The following KCTD16 variants were observed in gnomAD, a reference collection of about 807,000 sequenced individuals.
KCTD16 encodes the protein BTB/POZ domain-containing protein KCTD16.
KCTD16 carries 13 observed loss-of-function variants against 33.2 expected under a neutral mutation model. The observed-to-expected ratio is 0.39, with a 90% CI of 0.25 to 0.62. KCTD16 has a LOEUF of 0.62. Ranked by LOEUF, KCTD16 falls within the 20% of genes least tolerant of loss-of-function variation. The pLI is 0.50. For missense variants in KCTD16, 441 were observed against 525.1 expected, an observed-to-expected ratio of 0.84 and a Z score of 1.57; for synonymous variants, 197 against 195.3, an observed-to-expected ratio of 1.01 and a Z score of -0.07.
intron 3 of KCTD16, among the ~76,000 whole-genome samples, chr5:144,239,435 C>T (rs1350212475): frequency 1.3e-5 from 2 of 152,106 alleles, no homozygotes; most frequent in Non-Finnish European, 2.9e-5. Context: ...GCCCCAGAGA[C>T]AGTTGCAAAG....
At chr5:144,438,846 T>C (rs1753636911) in intron 3 of KCTD16, among the ~76,000 whole-genome samples, 1 of 152,170 alleles carries the variant, frequency 6.6e-6, no homozygotes, top group African/African-American at 2.4e-5. Flanking sequence ...GATGTACTTA[T>C]CCTGTGTTTT....
rs555899202 is a variant in KCTD16, at chr5:144,215,133, T to C, written c.832+7587T>C. On this transcript the variant is annotated intron_variant, in intron 3 of 3. Coordinates refer to ENST00000512467, the MANE Select transcript of KCTD16 (RefSeq NM_020768.4). ...AGTGCTAAGCATTTTACATACTAGT[T>C]GGATTTCTCACTGAAAGGTGCTCTA... is the stretch of plus-strand genomic sequence containing the variant. Among the ~76,000 whole-genome samples, 23 of 152,284 alleles carry C rather than the reference T, an allele frequency of 1.5e-4. No individual in the cohort carries two copies. In the South Asian group the frequency reaches 4.6e-3, roughly 30 times the overall value.
chr5:144,381,273 A>G (rs1416736474), intron 3 of KCTD16, among the ~76,000 whole-genome samples: 1 of 152,200 alleles, frequency 6.6e-6, no homozygotes, highest in East Asian at 1.9e-4. Context: ...CAGAATGACT[A>G]TTATTAAAAA....
At chr5:144,224,383 GTTTTTTTTT>G (rs530446253) in intron 3 of KCTD16, among the ~76,000 whole-genome samples, 4 of 100,334 alleles carry the variant, frequency 4.0e-5, no homozygotes, top group Admixed American at 1.2e-4. Context: ...AATATAATGT[GTTTTTTTTT>G]TTTTTTTTTT....
intron 3 of KCTD16, among the ~76,000 whole-genome samples, chr5:144,250,437 G>C (rs1424729052): frequency 6.6e-6 from 1 of 152,124 alleles, no homozygotes; most frequent in African/African-American, 2.4e-5. Flanking sequence ...CTGTAGCCCA[G>C]AAATCACAAA....
intron 3 of KCTD16, among the ~76,000 whole-genome samples, chr5:144,226,754 G>T (rs1753943789): frequency 1.3e-5 from 2 of 151,970 alleles, no homozygotes; most frequent in Admixed American, 6.6e-5. Flanking sequence ...TGTATTTTTA[G>T]TTGAGATGGG....
chr5:144,180,446 A>G (rs543318447), intron 2 of KCTD16, among the ~76,000 whole-genome samples: 5 of 152,318 alleles, frequency 3.3e-5, no homozygotes, highest in African/African-American at 1.2e-4. Context: ...CCTTGTAAAG[A>G]AAAACAAACA....
Position 144,485,229 on chromosome 5 carries a change from T to A in KCTD16, c.*11115T>A, listed in dbSNP as rs895705764. 1 of 151,894 alleles carries A rather than the reference T, an allele frequency of 6.6e-6. No individual in the cohort carries two copies. Among genetic ancestry groups the A allele is most frequent in the Non-Finnish European group, 1.5e-5 (1 of 67,898 alleles). The allele number at this position is 151,894 out of a possible 1,614,324, so 9.4% of individuals were successfully genotyped here. ...CTAATTGTCCCAATGGAATTGCACA[T>A]CATTTTGGCAATCATTGGTTCACTC... On this transcript the variant is annotated 3_prime_UTR_variant, in exon 4 of 4. Coordinates refer to ENST00000512467, the MANE Select transcript of KCTD16 (RefSeq NM_020768.4).
chr5:144,443,919 C>T (rs73299622), intron 3 of KCTD16, among the ~76,000 whole-genome samples: 7,620 of 152,062 alleles, frequency 0.05, 654 homozygotes, highest in African/African-American at 0.17. Flanking sequence ...GGATATCCAG[C>T]CCCTCAAGCA....
chr5:144,190,975 G>A (rs558895500), intron 2 of KCTD16, among the ~76,000 whole-genome samples: 5 of 152,276 alleles, frequency 3.3e-5, no homozygotes, highest in Admixed American at 3.3e-4. Context: ...CTCTGCTGAA[G>A]GTGAGCCTCA....
chr5:144,268,861 A>T (rs1458391902), intron 3 of KCTD16, among the ~76,000 whole-genome samples: 1 of 152,198 alleles, frequency 6.6e-6, no homozygotes, highest in East Asian at 1.9e-4. Context: ...AAAACAATGT[A>T]TGAACAAAAT....
chr5:144,349,887 C>T (rs1752903408), intron 3 of KCTD16, among the ~76,000 whole-genome samples: 1 of 152,206 alleles, frequency 6.6e-6, no homozygotes, highest in Admixed American at 6.5e-5. Flanking sequence ...ATGATTAGCA[C>T]CTTGACCTTC....
At chr5:144,417,914 A>G (rs1753108021) in intron 3 of KCTD16, among the ~76,000 whole-genome samples, 1 of 151,976 alleles carries the variant, frequency 6.6e-6, no homozygotes, top group Non-Finnish European at 1.5e-5. Flanking sequence ...GAAGCTATGG[A>G]CCCTCACAGT....
intron 3 of KCTD16, among the ~76,000 whole-genome samples, chr5:144,421,044 T>G (rs1211924890): frequency 1.3e-5 from 2 of 152,224 alleles, no homozygotes; most frequent in African/African-American, 2.4e-5. Context: ...TCAGTGGTTT[T>G]AAGCTTCACT....
intron 3 of KCTD16, among the ~76,000 whole-genome samples, chr5:144,249,156 C>G (rs1754629215): frequency 6.6e-6 from 1 of 152,134 alleles, no homozygotes; most frequent in African/African-American, 2.4e-5. Flanking sequence ...CATGCTACTT[C>G]TATAAGGACC....
At chr5:144,242,490 C>A (rs115504897) in intron 3 of KCTD16, among the ~76,000 whole-genome samples, 66 of 152,174 alleles carry the variant, frequency 4.3e-4, no homozygotes, top group African/African-American at 1.5e-3. Context: ...TTATATCTCA[C>A]CAGACAATAT....
At chr5:144,426,128 C>T (rs1398657490) in intron 3 of KCTD16, among the ~76,000 whole-genome samples, 4 of 152,136 alleles carry the variant, frequency 2.6e-5, no homozygotes, top group African/African-American at 9.7e-5. Context: ...GAATGTATTG[C>T]TGCTTAGGTA....
intron 3 of KCTD16, among the ~76,000 whole-genome samples, chr5:144,275,050 G>C (rs1349181358): frequency 6.6e-6 from 1 of 152,128 alleles, no homozygotes; most frequent in East Asian, 1.9e-4. Flanking sequence ...AATGCAAATC[G>C]GTCTTCCTAT....
At chr5:144,338,963 A>G (rs1752560381) in intron 3 of KCTD16, among the ~76,000 whole-genome samples, 1 of 152,234 alleles carries the variant, frequency 6.6e-6, no homozygotes, top group African/African-American at 2.4e-5. Flanking sequence ...ATTGTGCTTT[A>G]TAATGCACTG....
Sources: allele counts gnomAD v4.1 joint callset (sites outside exome capture counted in the v4.1 genomes callset), GRCh38; gene constraint gnomAD v4.1.1; transcripts MANE v1.5; gene names NCBI Gene and HGNC (gene_info 2026-07-23, HGNC 2026-07-21).